Variants in ACSM3 observed in about 807,000 individuals in gnomAD.
The protein encoded by ACSM3 is acyl-CoA synthetase medium chain family member 3, also known as acyl-coenzyme A synthetase ACSM3, mitochondrial.
Under a neutral mutation model 74.1 loss-of-function variants are expected in ACSM3, and 61 were observed. That is an observed-to-expected ratio of 0.82 (90% CI 0.67 to 1.02). ACSM3 has a LOEUF of 1.02. ACSM3 is among the 50% of genes least tolerant of loss of function. The pLI is 0.00. For missense variants in ACSM3, 660 were observed against 697.0 expected (o/e 0.95, Z 0.60); for synonymous variants, 213 against 241.5 (o/e 0.88, Z 1.09).
intron 2 of ACSM3, among the ~76,000 whole-genome samples, chr16:20,753,926 CAGAG>C (rs1160483760): frequency 3.3e-5 from 5 of 151,704 alleles, no homozygotes; most frequent in African/African-American, 1.2e-4. Flanking sequence ...AAAAAAAAGA[CAGAG>C]AAAGAAAGAA....
At chr16:20,743,426 TATC>T (rs1035404861) in intron 1 of ACSM3, among the ~76,000 whole-genome samples, 2 of 152,212 alleles carry the variant, frequency 1.3e-5, no homozygotes, top group Non-Finnish European at 2.9e-5. Flanking sequence ...CTTGGCAACT[TATC>T]ATGTTACTGT....
At chr16:20,766,444 T>C (rs1207832078) in intron 1 of ACSM3, among the ~76,000 whole-genome samples, 1 of 152,058 alleles carries the variant, frequency 6.6e-6, no homozygotes, top group Non-Finnish European at 1.5e-5. Context: ...GTATATTTCC[T>C]TGTCTGTAAA....
chr16:20,778,700 C>T lies in ACSM3; in HGVS notation c.638+1120C>T, dbSNP rs1429701190. ...AGAGATCAGTACAACAACCCTTCCT[C>T]AGGTTTTGAGGGCAACCGTATTGGT... On this transcript the variant is annotated intron_variant, in intron 4 of 13. Coordinates refer to ENST00000289416, the MANE Select transcript of ACSM3 (RefSeq NM_005622.4). 2.0e-5 allele frequency among the ~76,000 whole-genome samples: 3 copies of T among 152,230 alleles called. No homozygotes were observed. In the South Asian group the frequency reaches 6.2e-4, roughly 32 times the overall value.
At chr16:20,755,429 GA>G (rs1567338735) in intron 2 of ACSM3, 1 of 151,506 alleles carries the variant, frequency 6.6e-6, no homozygotes, top group Admixed American at 6.6e-5. Context: ...TGAAATAAAT[GA>G]AAAAAATATA....
chr16:20,681,596 G>A (rs11641336), intron 1 of ACSM3: 5,973 of 152,536 alleles, frequency 0.039, 124 homozygotes, highest in Middle Eastern at 0.099. Context: ...ACACACTACC[G>A]CACAGTTGAT....
chr16:20,689,775 C>A (rs1243019746), intron 1 of ACSM3, among the ~76,000 whole-genome samples: 1 of 152,168 alleles, frequency 6.6e-6, no homozygotes, highest in Non-Finnish European at 1.5e-5. Flanking sequence ...AACCAGATTT[C>A]CAGTCTGGGC....
upstream of ACSM3, among the ~76,000 whole-genome samples, chr16:20,760,126 T>G (rs1440812706): frequency 6.6e-6 from 1 of 152,152 alleles, no homozygotes; most frequent in Non-Finnish European, 1.5e-5. Context: ...TTTGTAGCAA[T>G]AAGATCCAAA....
intron 2 of ACSM3, among the ~76,000 whole-genome samples, chr16:20,752,507 T>C (rs1046527296): frequency 6.6e-6 from 1 of 152,230 alleles, no homozygotes; most frequent in Non-Finnish European, 1.5e-5. Context: ...GGGAACTACA[T>C]TTATTTATTA....
chr16:20,755,107 A>C (rs1421031790), intron 2 of ACSM3, among the ~76,000 whole-genome samples: 2 of 152,160 alleles, frequency 1.3e-5, no homozygotes, highest in African/African-American at 4.8e-5. Context: ...GTGTCATCCA[A>C]AGCTGGGTAA....
chr16:20,676,685 G>T (rs544152973), intron 1 of ACSM3, among the ~76,000 whole-genome samples: 105 of 152,318 alleles, frequency 6.9e-4, no homozygotes, highest in African/African-American at 2.5e-3. Flanking sequence ...AGCTGGCTTT[G>T]CAAGGAGGCA....
chr16:20,680,621 G>A (rs995127020), intron 1 of ACSM3: 2 of 152,344 alleles, frequency 1.3e-5, no homozygotes, highest in South Asian at 2.1e-4. Flanking sequence ...ATCGCCCGTT[G>A]GGGAAAGGCT....
At chr16:20,760,890 T>C (rs117586538), upstream of ACSM3, among the ~76,000 whole-genome samples, 1,593 of 147,300 alleles carry the variant, frequency 0.011, 9 homozygotes, top group Middle Eastern at 0.035. Context: ...GCCTGCTACC[T>C]GGAGGCTTCA....
At chr16:20,793,216 C>T (rs1381570558) in intron 12 of ACSM3, among the ~76,000 whole-genome samples, 2 of 152,158 alleles carry the variant, frequency 1.3e-5, no homozygotes, top group Non-Finnish European at 2.9e-5. Context: ...CACCTGTAAT[C>T]CTAGCACTTT....
chr16:20,677,550 T>C (rs1305641728), intron 1 of ACSM3, among the ~76,000 whole-genome samples: 4 of 152,174 alleles, frequency 2.6e-5, no homozygotes, highest in Non-Finnish European at 4.4e-5. Context: ...CCCCCTTCAT[T>C]GCTGTGTAAA....
intron 9 of ACSM3, chr16:20,789,378 G>A (rs2080543306): frequency 4.8e-6 from 4 of 830,028 alleles, no homozygotes; most frequent in Admixed American, 2.0e-5. Context: ...TAATTACTTA[G>A]CATGTATTAA....
At chr16:20,763,192 T>TA (rs1463737113), upstream of ACSM3, among the ~76,000 whole-genome samples, 1 of 152,192 alleles carries the variant, frequency 6.6e-6, no homozygotes, top group African/African-American at 2.4e-5. Flanking sequence ...AGGCAATAGA[T>TA]ACACCATCAA....
rs34381224 is a variant in ACSM3 at position 20,790,685 on chromosome 16, C to G, written c.1323C>G (p.Tyr441Ter). Residue 441 changes from tyrosine (Y) to a stop codon, truncating the protein, a stop_gained, in exon 10 of 14, where the codon TAC becomes TAG. Transcript: ENST00000289416. LOFTEE classifies it high-confidence loss of function. The surrounding 1 kb of genome is among the most constrained non-coding windows in gnomAD (Gnocchi z 4.0). ...GACCATTTGGCCTTTTTACTCATTA[C>G]GTAGTAAGTGACTTACTAAATAATC... ...PNRPFGLFTH[Y>*]VDNPSKTAST... is the part of the protein sequence containing the mutation. The G allele has an allele frequency of 8.8e-3, 14,240 of 1,613,518 alleles. 70 individuals carry two copies. The highest frequency in any genetic ancestry group is 0.011 in the Non-Finnish European group (12,422 of 1,179,482).
intron 1 of ACSM3, among the ~76,000 whole-genome samples, chr16:20,677,698 T>C (rs767037004): frequency 2.0e-5 from 3 of 152,196 alleles, no homozygotes; most frequent in Non-Finnish European, 2.9e-5. Context: ...GTGGTGACTT[T>C]GGACTCAGTA....
chr16:20,726,667 A>G (rs977378007), intron 1 of ACSM3, among the ~76,000 whole-genome samples: 1 of 152,218 alleles, frequency 6.6e-6, no homozygotes, highest in Non-Finnish European at 1.5e-5. Context: ...TAAGCTCAAA[A>G]TCAAACAGGC....
Sources: gnomAD v4.1 joint callset for allele counts (sites outside exome capture counted in the v4.1 genomes callset) on GRCh38, gnomAD v4.1.1 for gene constraint, Gnocchi (gnomAD v3.1) non-coding constraint, MANE v1.5 for transcripts, NCBI Gene and HGNC (gene_info 2026-07-23, HGNC 2026-07-21) for gene names.